ABTB3: variants seen among roughly 807,000 people sequenced by gnomAD.
The protein encoded by ABTB3 is ankyrin repeat- and BTB/POZ domain-containing protein 3.
chr12:107,420,584 G>T, the ABTB3 span, among the ~76,000 whole-genome samples: 899 of 152,218 alleles, frequency 5.9e-3, 9 homozygotes, highest in African/African-American at 0.02. Context: ...GGGATTATGG[G>T]AGCTACAATT....
At chr12:107,537,910 C>T in the ABTB3 span, among the ~76,000 whole-genome samples, 8 of 152,314 alleles carry the variant, frequency 5.3e-5, no homozygotes, top group Admixed American at 2.6e-4. Context: ...CCACAGCCTG[C>T]GGCCTTGGCC....
the ABTB3 span, among the ~76,000 whole-genome samples, chr12:107,442,273 T>G: frequency 6.6e-6 from 1 of 152,042 alleles, no homozygotes; most frequent in African/African-American, 2.4e-5. Flanking sequence ...AAGCAAGAAG[T>G]TTTCAGAGTA....
the ABTB3 span, chr12:107,319,259 C>G: frequency 3.9e-6 from 6 of 1,553,944 alleles, no homozygotes; most frequent in Non-Finnish European, 5.2e-6. Flanking sequence ...GCTGGAGGCG[C>G]TGCTGCTGCG....
the ABTB3 span, among the ~76,000 whole-genome samples, chr12:107,623,782 C>G: frequency 1.3e-5 from 2 of 152,174 alleles, no homozygotes; most frequent in Admixed American, 6.5e-5. Context: ...CTTTATCCTT[C>G]TGGAGCTTAC....
At chr12:107,379,708 T>C in the ABTB3 span, among the ~76,000 whole-genome samples, 5 of 152,148 alleles carry the variant, frequency 3.3e-5, no homozygotes, top group Non-Finnish European at 7.4e-5. Flanking sequence ...CATTACCCAC[T>C]ACCAGCAAAG....
chr12:107,377,943 C>T, the ABTB3 span, among the ~76,000 whole-genome samples: 121 of 152,246 alleles, frequency 7.9e-4, 1 homozygote, highest in African/African-American at 2.5e-3. Context: ...ACACACTTGA[C>T]GCTCAAGAAG....
the ABTB3 span, among the ~76,000 whole-genome samples, chr12:107,655,111 A>C: frequency 6.6e-6 from 1 of 151,994 alleles, no homozygotes; most frequent in Non-Finnish European, 1.5e-5. Context: ...CCTGTGTTTC[A>C]CAATCCCATT....
At chr12:107,588,843 G>A in the ABTB3 span, among the ~76,000 whole-genome samples, 1 of 152,080 alleles carries the variant, frequency 6.6e-6, no homozygotes, top group Non-Finnish European at 1.5e-5. Context: ...TTAAATGTTG[G>A]TTGTCCATCC....
At chr12:107,622,643 G>C in the ABTB3 span, among the ~76,000 whole-genome samples, 1 of 152,042 alleles carries the variant, frequency 6.6e-6, no homozygotes, top group Non-Finnish European at 1.5e-5. Flanking sequence ...CACCATGCCT[G>C]GCTAATATTT....
the ABTB3 span, among the ~76,000 whole-genome samples, chr12:107,403,281 G>C: frequency 1.3e-5 from 2 of 152,148 alleles, no homozygotes; most frequent in African/African-American, 4.8e-5. Flanking sequence ...TGACAGACCT[G>C]AACTTGCATA....
the ABTB3 span, among the ~76,000 whole-genome samples, chr12:107,469,972 CT>C: frequency 7.8e-5 from 6 of 77,014 alleles, 2 homozygotes; most frequent in African/African-American, 5.1e-4. Flanking sequence ...TTCTTTCTTT[CT>C]TTCTTTCTTT....
chr12:107,434,686 G>A, the ABTB3 span, among the ~76,000 whole-genome samples: 1 of 152,036 alleles, frequency 6.6e-6, no homozygotes, highest in African/African-American at 2.4e-5. Context: ...AATGAAGTGA[G>A]ACCCCGTCTC....
the ABTB3 span, chr12:107,610,155 C>A: frequency 6.2e-7 from 1 of 1,613,486 alleles, no homozygotes; most frequent in Non-Finnish European, 8.5e-7. Flanking sequence ...TCTGGGAAGC[C>A]GCTGTACCCG....
chr12:107,429,812 A>T, the ABTB3 span, among the ~76,000 whole-genome samples: 2 of 152,262 alleles, frequency 1.3e-5, no homozygotes, highest in African/African-American at 4.8e-5. Context: ...AATGTCTGAC[A>T]TTGGTATCCA....
chr12:107,445,902 TCTCC>T, the ABTB3 span, among the ~76,000 whole-genome samples: 13 of 49,818 alleles, frequency 2.6e-4, no homozygotes, highest in Middle Eastern at 0.034. Flanking sequence ...CCCTCTCCCC[TCTCC>T]CTGTCTTCCC....
the ABTB3 span, among the ~76,000 whole-genome samples, chr12:107,480,629 C>G: frequency 6.6e-6 from 1 of 152,144 alleles, no homozygotes; most frequent in African/African-American, 2.4e-5. Context: ...AAGAATTAAG[C>G]CTGGTGAACT....
At chr12:107,363,639 C>A in the ABTB3 span, among the ~76,000 whole-genome samples, 2 of 152,132 alleles carry the variant, frequency 1.3e-5, no homozygotes, top group African/African-American at 4.8e-5. Flanking sequence ...CTGTTGTAAC[C>A]CATTTTTAGT....
chr12:107,535,712 T>G, the ABTB3 span, among the ~76,000 whole-genome samples: 4 of 151,900 alleles, frequency 2.6e-5, no homozygotes, highest in Admixed American at 6.6e-5. Flanking sequence ...ACCAATGAAG[T>G]GAAAGATCTC....
chr12:107,576,039 G>T, the ABTB3 span, among the ~76,000 whole-genome samples: 1 of 152,162 alleles, frequency 6.6e-6, no homozygotes, highest in East Asian at 1.9e-4. Context: ...CAAAGCCCGT[G>T]CTCCTAACCA....
Sources: allele counts gnomAD v4.1 joint callset (sites outside exome capture counted in the v4.1 genomes callset), GRCh38; gene constraint gnomAD v4.1.1; transcripts MANE v1.5; gene names NCBI Gene and HGNC (gene_info 2026-07-23, HGNC 2026-07-21).